Variants in GRIN2A observed in about 807,000 individuals in gnomAD.
The protein encoded by GRIN2A is glutamate ionotropic receptor NMDA type subunit 2A.
A neutral mutation model predicts 113.4 loss-of-function variants in GRIN2A; 22 were observed. The observed-to-expected ratio is 0.19, with a 90% CI of 0.14 to 0.28. The LOEUF is 0.28. Ranked by LOEUF, GRIN2A falls within the 10% of genes least tolerant of loss-of-function variation. The probability of loss-of-function intolerance (pLI) is 1.00; values close to 1 mark genes in which losing one functional copy is unlikely to be tolerated. For missense variants in GRIN2A, 1,502 were observed against 1,887.0 expected, an observed-to-expected ratio of 0.80 and a Z score of 3.78; for synonymous variants, 827 against 738.4, an observed-to-expected ratio of 1.12 and a Z score of -1.94.
At chr16:10,142,038 G>A (rs796994114) in intron 2 of GRIN2A, among the ~76,000 whole-genome samples, 33 of 152,310 alleles carry the variant, frequency 2.2e-4, no homozygotes, top group African/African-American at 7.5e-4. Flanking sequence ...TCTTGAGGCT[G>A]ATGCCAGCTC....
chr16:9,793,259 C>T (rs1364142494), intron 11 of GRIN2A, among the ~76,000 whole-genome samples: 1 of 152,160 alleles, frequency 6.6e-6, no homozygotes, highest in Non-Finnish European at 1.5e-5. Flanking sequence ...CTTCCCTTTT[C>T]TCAGCATCAC....
chr16:9,829,331 G>T, intron 9 of GRIN2A, 92 bp downstream of exon 9: 1 of 786,332 alleles, frequency 1.3e-6, no homozygotes. Flanking sequence ...CGAGTTGATG[G>T]ATCTCAATGA....
intron 2 of GRIN2A, among the ~76,000 whole-genome samples, chr16:10,059,263 T>A (rs982469979): frequency 1.3e-5 from 2 of 151,602 alleles, no homozygotes; most frequent in Admixed American, 1.3e-4. Context: ...TGCAGGGGAA[T>A]AACAGATCTA....
chr16:9,912,018 G>A (rs1326105478), intron 3 of GRIN2A, among the ~76,000 whole-genome samples: 1 of 152,112 alleles, frequency 6.6e-6, no homozygotes, highest in Non-Finnish European at 1.5e-5. Context: ...TTGGTGGGAG[G>A]ATTAAATGAG....
intron 4 of GRIN2A, among the ~76,000 whole-genome samples, chr16:9,858,144 T>G (rs537612141): frequency 6.6e-6 from 1 of 152,308 alleles, no homozygotes; most frequent in South Asian, 2.1e-4. Flanking sequence ...CTGGGACTTT[T>G]GATGGAACTA....
intron 4 of GRIN2A, among the ~76,000 whole-genome samples, chr16:9,862,520 T>A (rs1418866026): frequency 2.6e-5 from 4 of 152,192 alleles, no homozygotes; most frequent in Non-Finnish European, 5.9e-5. Context: ...CAATGCTTGT[T>A]CAATCTCAAA....
At chr16:9,875,071 G>A (rs1031038072) in intron 4 of GRIN2A, among the ~76,000 whole-genome samples, 4 of 46,072 alleles carry the variant, frequency 8.7e-5, no homozygotes, top group East Asian at 7.1e-4. Context: ...AACATGGCTC[G>A]CTGTGGCCTT....
chr16:9,769,451 C>CTTTTTTTTTTTTTTTTTTTTTGTT (rs34847596), intron 11 of GRIN2A, among the ~76,000 whole-genome samples: 11 of 104,856 alleles, frequency 1.0e-4, no homozygotes, highest in Middle Eastern at 5.3e-3. Context: ...GGAGTTTTGT[C>CTTTTTTTTTTTTTTTTTTTTTGTT]TTTTTTTTTT....
intron 4 of GRIN2A, among the ~76,000 whole-genome samples, chr16:9,888,774 T>G (rs2043636695): frequency 6.6e-6 from 1 of 152,028 alleles, no homozygotes; most frequent in African/African-American, 2.4e-5. Flanking sequence ...TTTTCATAGA[T>G]ACCCTTTATC....
intron 3 of GRIN2A, among the ~76,000 whole-genome samples, chr16:9,917,806 G>A (rs1392309400): frequency 6.6e-6 from 1 of 152,058 alleles, no homozygotes. Context: ...ATTTCAACAC[G>A]TCCTCCCTCT....
chr16:9,754,896 T>G lies in GRIN2A; in HGVS notation c.*8253A>C, dbSNP rs1318437764. The G allele has an allele frequency of 4.5e-6, 1 of 223,548 alleles. No homozygotes were observed. The highest frequency in any genetic ancestry group is 8.9e-6 in the Non-Finnish European group (1 of 112,010). The allele number at this position is 223,548 out of a possible 1,614,324, so 13.8% of individuals were successfully genotyped here. A position where few individuals can be genotyped will look rare whatever the true frequency, so the allele number is the denominator to read the frequency against. ...TTGAAACAGCAAAATGTCAGATCAA[T>G]GGGAAGCATTTAAAATGCCAAAGAC... On this transcript the variant is annotated 3_prime_UTR_variant, in exon 13 of 13. Coordinates refer to ENST00000330684, the MANE Select transcript of GRIN2A (RefSeq NM_001134407.3).
intron 2 of GRIN2A, among the ~76,000 whole-genome samples, chr16:10,093,860 G>A (rs953190006): frequency 1.3e-5 from 2 of 152,172 alleles, no homozygotes; most frequent in East Asian, 1.9e-4. Context: ...GTCTAAGACC[G>A]TAGGGAAGAG....
intron 3 of GRIN2A, among the ~76,000 whole-genome samples, chr16:9,923,128 T>G (rs768197643): frequency 6.6e-6 from 1 of 152,166 alleles, no homozygotes; most frequent in African/African-American, 2.4e-5. Context: ...TCAGTTTTGC[T>G]TCATTATTTT....
At chr16:10,099,325 T>G (rs910336385) in intron 2 of GRIN2A, among the ~76,000 whole-genome samples, 1 of 152,234 alleles carries the variant, frequency 6.6e-6, no homozygotes. Context: ...AGCATTACAA[T>G]TTTACAAGAG....
intron 2 of GRIN2A, among the ~76,000 whole-genome samples, chr16:10,008,134 G>C (rs914293373): frequency 6.6e-6 from 1 of 152,198 alleles, no homozygotes. Flanking sequence ...GGCAGGGAAT[G>C]AAGGTATTGG....
At position 9,764,477 on chromosome 16, in the gene GRIN2A, G is replaced by T; in HGVS notation, c.3067C>A (p.Gln1023Lys). 1 of 1,614,092 alleles carries T rather than the reference G, an allele frequency of 6.2e-7. No individual in the cohort carries two copies. Among genetic ancestry groups the T allele is most frequent in the Non-Finnish European group, 8.5e-7 (1 of 1,180,008 alleles). Residue 1023 changes from glutamine (Q) to lysine (K), a missense_variant, in exon 13 of 13, where the codon CAG (glutamine) becomes AAG (lysine). Physicochemically the swap from Gln to Lys is moderately conservative, Grantham distance 53. Coordinates refer to ENST00000330684, the MANE Select transcript of GRIN2A (RefSeq NM_001134407.3). ...ACTGGATTCTGGGATAGTGAATCCT[G>T]GCGTATGGAATCCACGGATTTCTTC... ...LWKKSVDSIR[Q>K]DSLSQNPVSQ... is the part of the protein sequence containing the mutation.
chr16:9,955,293 C>A (rs995906813), intron 2 of GRIN2A, among the ~76,000 whole-genome samples: 1 of 152,200 alleles, frequency 6.6e-6, no homozygotes, highest in Non-Finnish European at 1.5e-5. Flanking sequence ...TCTCGGCCAC[C>A]TTGTGTCCAC....
chr16:9,969,094 A>T (rs988532688), intron 2 of GRIN2A, among the ~76,000 whole-genome samples: 26 of 152,118 alleles, frequency 1.7e-4, no homozygotes, highest in African/African-American at 6.3e-4. Flanking sequence ...CATATAGCAC[A>T]TTTCAGGTCA....
At chr16:9,868,365 C>T (rs1009452884) in intron 4 of GRIN2A, among the ~76,000 whole-genome samples, 2 of 152,182 alleles carry the variant, frequency 1.3e-5, no homozygotes, top group East Asian at 1.9e-4. Flanking sequence ...CTCCCGGGTT[C>T]GAGCGATTCT....
Sources: gnomAD v4.1 joint callset for allele counts (sites outside exome capture counted in the v4.1 genomes callset) on GRCh38, gnomAD v4.1.1 for gene constraint, MANE v1.5 for transcripts, NCBI Gene and HGNC (gene_info 2026-07-23, HGNC 2026-07-21) for gene names.